The following USP48 variants were observed in gnomAD, a reference collection of about 807,000 sequenced individuals.
The protein encoded by USP48 is ubiquitin specific peptidase 48, also known as ubiquitin carboxyl-terminal hydrolase 48.
USP48 carries 43 observed loss-of-function variants against 150.7 expected under a neutral mutation model. The observed-to-expected ratio is 0.29, with a 90% CI of 0.22 to 0.37. The LOEUF (loss-of-function observed/expected upper bound fraction) is 0.37, where lower values mean the gene tolerates loss of function less well. Ranked by LOEUF, USP48 falls within the 10% of genes least tolerant of loss-of-function variation. The pLI, the probability that USP48 is intolerant of heterozygous loss-of-function variation, is 1.00. For missense variants in USP48, 813 were observed against 1,249.6 expected (o/e 0.65, Z 5.27); for synonymous variants, 396 against 425.9 (o/e 0.93, Z 0.86).
chr1:21,731,569 T>C (rs1172906958), intron 9 of USP48, among the ~76,000 whole-genome samples: 1 of 147,646 alleles, frequency 6.8e-6, no homozygotes, highest in African/African-American at 2.5e-5. Flanking sequence ...CAGCCTAAAA[T>C]AGCATAATTT....
intron 8 of USP48, among the ~76,000 whole-genome samples, chr1:21,744,181 C>T (rs185956561): frequency 3.1e-4 from 47 of 152,288 alleles, no homozygotes; most frequent in Admixed American, 2.7e-3. Flanking sequence ...TGGTGGCTCA[C>T]ACCTGTAATC....
intron 12 of USP48, among the ~76,000 whole-genome samples, chr1:21,722,068 G>C (rs2097722474): frequency 6.6e-6 from 1 of 152,000 alleles, no homozygotes; most frequent in Non-Finnish European, 1.5e-5. Flanking sequence ...AAATCACTGA[G>C]GTTCTAAGGT....
In USP48 at chr1:21,756,613, C is replaced by T. The variant is rs1284295619; in HGVS notation, c.345G>A (p.Gln115=). 1.2e-6 allele frequency: 2 copies of T among 1,610,272 alleles called. No individual in the cohort carries two copies. Among genetic ancestry groups the T allele is most frequent in the African/African-American group, 1.3e-5 (1 of 74,530 alleles). Reference sequence around the variant, plus strand: ...AAGTGCTTGGACATAAGTAGAGTGCCTGCCGAAGCTCCAAGTTGAGAAACC... The same window carrying T: ...AAGTGCTTGGACATAAGTAGAGTGCTTGCCGAAGCTCCAAGTTGAGAAACC... ...QVWFLNLELR[Q]ALYLCPSTCS... is the part of the protein sequence containing the mutation. The change falls in exon 3 of 27, where the codon CAG becomes CAA. Residue 115 remains glutamine (Q), a synonymous_variant. Coordinates refer to ENST00000308271, the MANE Select transcript of USP48 (RefSeq NM_032236.8).
rs558313885 is a variant in USP48, at chr1:21,720,956, G to A, written c.1894+80C>T. 6.2e-5 allele frequency: 97 copies of A among 1,561,760 alleles called. 1 individual carries two copies. Among genetic ancestry groups the A allele is most frequent in the South Asian group, 2.3e-4 (19 of 82,658 alleles). On this transcript the variant is annotated intron_variant, in intron 14 of 26. Coordinates refer to ENST00000308271, the MANE Select transcript of USP48 (RefSeq NM_032236.8). ...GCCTCCCAAGTAGCTGGGACTACACGAATGAGCCACCGTGCCTGGCCCACT... is the reference window on the plus strand; with the variant it reads ...GCCTCCCAAGTAGCTGGGACTACACAAATGAGCCACCGTGCCTGGCCCACT...
chr1:21,770,610 T>C lies in USP48; in HGVS notation c.134+12214A>G, dbSNP rs150505802. Among the ~76,000 whole-genome samples, 53 of 151,236 alleles carry C rather than the reference T, an allele frequency of 3.5e-4. No homozygotes were observed. In the East Asian group the frequency reaches 0.01, roughly 30 times the overall value. On this transcript the variant is annotated intron_variant, in intron 1 of 26. Transcript: ENST00000308271. ...GATTCTCCTGCCTCAGCCTTCTGAG[T>C]AGTGGGACTACAGGCGCGCACCACC...
chr1:21,749,253 T>C (rs1192755081), intron 6 of USP48, among the ~76,000 whole-genome samples: 1 of 152,188 alleles, frequency 6.6e-6, no homozygotes, highest in Non-Finnish European at 1.5e-5. Context: ...CCACACTCAC[T>C]GACTTGCCTC....
At chr1:21,732,754 A>G (rs2097759976) in intron 9 of USP48, 1 of 286,590 alleles carries the variant, frequency 3.5e-6, no homozygotes, top group African/African-American at 2.3e-5. Flanking sequence ...CCTACTATAA[A>G]ACAAGACCTG....
At chr1:21,694,598 A>AC (rs2097618656) in intron 23 of USP48, among the ~76,000 whole-genome samples, 2 of 120,408 alleles carry the variant, frequency 1.7e-5, no homozygotes, top group African/African-American at 2.9e-5. Flanking sequence ...AAAAAAAAAA[A>AC]AAAAAAAAAC....
intron 24 of USP48, among the ~76,000 whole-genome samples, chr1:21,689,201 T>C (rs1277536555): frequency 6.7e-6 from 1 of 148,640 alleles, no homozygotes; most frequent in Non-Finnish European, 1.5e-5. Context: ...CAAGTCTATC[T>C]TCTACCCATT....
intron 7 of USP48, among the ~76,000 whole-genome samples, chr1:21,747,545 A>G (rs1233836899): frequency 6.6e-6 from 1 of 152,064 alleles, no homozygotes; most frequent in East Asian, 1.9e-4. Context: ...ACAGAAGGTC[A>G]GGGTAATTCA....
intron 21 of USP48, among the ~76,000 whole-genome samples, chr1:21,702,479 T>C (rs760133781): frequency 4.6e-5 from 7 of 151,868 alleles, no homozygotes; most frequent in Non-Finnish European, 7.4e-5. Context: ...CAATTTCACC[T>C]ATCCTTGCAG....
At chr1:21,685,516 T>C (rs2097578311) in intron 25 of USP48, among the ~76,000 whole-genome samples, 1 of 152,128 alleles carries the variant, frequency 6.6e-6, no homozygotes, top group Non-Finnish European at 1.5e-5. Context: ...GGTTTCGCCA[T>C]GTTGGCCAGG....
intron 1 of USP48, among the ~76,000 whole-genome samples, chr1:21,758,179 C>T (rs1038850953): frequency 4.3e-5 from 5 of 117,278 alleles, no homozygotes; most frequent in African/African-American, 1.6e-4. Flanking sequence ...TACTATGCAA[C>T]TGTAAAACAC....
rs748586722 is a variant in USP48, at chr1:21,752,579, C to G, written c.613G>C (p.Val205Leu). 2 of 1,613,398 alleles carry G rather than the reference C, an allele frequency of 1.2e-6. No individual in the cohort carries two copies. The highest frequency in any genetic ancestry group is 1.7e-6 in the Non-Finnish European group (2 of 1,179,870). The change falls in exon 5 of 27, where the codon GTG becomes CTG. Residue 205 changes from valine to leucine, a missense_variant. By Grantham distance (32) the Val-to-Leu change is conservative. Transcript: ENST00000308271. ...AACTGCTGTTGAACAATATTGCGCA[C>G]ATCTGGATTCTTTTGTTTAGACAAA... ...DTLSKQKNPD[V>L]RNIVQQQFCG... is the part of the protein sequence containing the mutation.
chr1:21,770,725 G>A lies in USP48; in HGVS notation c.134+12099C>T, dbSNP rs1305943048. 3.3e-5 allele frequency among the ~76,000 whole-genome samples: 5 copies of A among 151,488 alleles called. No individual in the cohort carries two copies. In the East Asian group the frequency reaches 5.9e-4, roughly 18 times the overall value. ...TCGAACTCCTGACCTCAGGTGATCC[G>A]CCTGCATCGGCCTCCCAAAGTGCTG... On this transcript the variant is annotated intron_variant, in intron 1 of 26. Transcript: ENST00000308271.
intron 14 of USP48, 148 bp downstream of exon 14, chr1:21,720,888 G>A (rs765914786): frequency 1.4e-5 from 14 of 1,019,724 alleles, no homozygotes; most frequent in Non-Finnish European, 1.9e-5. Flanking sequence ...GGAGTGCAGT[G>A]GGGCTGGCAC....
intron 1 of USP48, 21 bp downstream of exon 1, chr1:21,782,802 AG>A: frequency 6.6e-7 from 1 of 1,512,242 alleles, no homozygotes; most frequent in South Asian, 1.2e-5. Context: ...GGAGCCCGCG[AG>A]GCGCGGTGCG....
In USP48 at chr1:21,742,560, GAAAAGA is replaced by G. The variant is rs1242166792; in HGVS notation, c.991+4501_991+4506del. On this transcript the variant is annotated intron_variant, in intron 8 of 26. Coordinates refer to ENST00000308271, the MANE Select transcript of USP48 (RefSeq NM_032236.8). ...CTCTATCTCAAAAAAAAAAAGAAAA[GAAAAGA>G]AAAAGAAAAAGAAAAAGAAAAGAAA... is the stretch of plus-strand genomic sequence containing the variant. Among the ~76,000 whole-genome samples the G allele has an allele frequency of 1.2e-3, 173 of 138,924 alleles. 1 individual carries two copies. Among genetic ancestry groups the G allele is most frequent in the Non-Finnish European group, 2.0e-3 (132 of 64,466 alleles). The allele number at this position is 138,924 out of a possible 152,430, so 91.1% of individuals were successfully genotyped here. A position where few individuals can be genotyped will look rare whatever the true frequency, so the allele number is the denominator to read the frequency against.
intron 8 of USP48, among the ~76,000 whole-genome samples, chr1:21,739,873 C>CT (rs1557539889): frequency 6.6e-6 from 1 of 152,136 alleles, no homozygotes; most frequent in Non-Finnish European, 1.5e-5. Context: ...ACGTGTTTGA[C>CT]TTTTTTAGAT....
Sources: gnomAD v4.1 joint callset for allele counts (sites outside exome capture counted in the v4.1 genomes callset) on GRCh38, gnomAD v4.1.1 for gene constraint, MANE v1.5 for transcripts, NCBI Gene and HGNC (gene_info 2026-07-23, HGNC 2026-07-21) for gene names.